MEMO1: variants seen among roughly 807,000 people sequenced by gnomAD.
The protein encoded by MEMO1 is protein MEMO1.
MEMO1 carries 6 observed loss-of-function variants against 45.2 expected under a neutral mutation model. The ratio of observed to expected loss-of-function variants is 0.13; its 90% CI spans 0.07 to 0.26. MEMO1 has a LOEUF of 0.26. Among genes scored for constraint, MEMO1 ranks in the 10% least tolerant of loss-of-function variants. The pLI, the probability that MEMO1 is intolerant of heterozygous loss-of-function variation, is 1.00. For missense variants in MEMO1, 184 were observed against 370.5 expected, an observed-to-expected ratio of 0.50 and a Z score of 4.13; for synonymous variants, 78 against 124.3, an observed-to-expected ratio of 0.63 and a Z score of 2.48.
intron 2 of MEMO1, among the ~76,000 whole-genome samples, chr2:31,961,332 G>A (rs927054532): frequency 2.0e-5 from 3 of 152,014 alleles, no homozygotes; most frequent in Non-Finnish European, 2.9e-5. Flanking sequence ...ACTCTAGCCT[G>A]GGTGATAAAG....
At chr2:31,932,257 A>AGG (rs1247576796) in intron 3 of MEMO1, 122 bp from the exon 4 acceptor site, 5 of 713,734 alleles carry the variant, frequency 7.0e-6, no homozygotes, top group Non-Finnish European at 1.2e-5. Context: ...AGCATATGTT[A>AGG]AATAACAATG....
At chr2:31,872,320 A>G (rs1273818374) in intron 8 of MEMO1, among the ~76,000 whole-genome samples, 1 of 152,172 alleles carries the variant, frequency 6.6e-6, no homozygotes, top group African/African-American at 2.4e-5. Context: ...TTCTTTGAAC[A>G]CTTACATAGC....
intron 8 of MEMO1, among the ~76,000 whole-genome samples, chr2:31,880,981 G>A (rs1300219831): frequency 6.6e-6 from 1 of 151,722 alleles, no homozygotes; most frequent in Non-Finnish European, 1.5e-5. Context: ...CTGTGATTGT[G>A]CCACTGCACT....
chr2:31,906,644 G>C (rs1308537274), intron 6 of MEMO1, among the ~76,000 whole-genome samples: 1 of 152,066 alleles, frequency 6.6e-6, no homozygotes, highest in Non-Finnish European at 1.5e-5. Context: ...TTCTTCTTCA[G>C]TCCCAATCAT....
At chr2:31,904,450 C>A (rs1679367796) in intron 6 of MEMO1, among the ~76,000 whole-genome samples, 2 of 152,176 alleles carry the variant, frequency 1.3e-5, no homozygotes, top group African/African-American at 2.4e-5. Flanking sequence ...GTTAAAGCAG[C>A]CTTCTTTGGG....
intron 9 of MEMO1, among the ~76,000 whole-genome samples, chr2:31,868,999 TAC>T (rs1476451037): frequency 1.3e-5 from 2 of 152,344 alleles, no homozygotes; most frequent in South Asian, 2.1e-4. Context: ...AGGAAATTAG[TAC>T]AGTTTATTCT....
chr2:31,950,103 G>A (rs1211195703), intron 2 of MEMO1, among the ~76,000 whole-genome samples: 6 of 152,070 alleles, frequency 3.9e-5, no homozygotes, highest in East Asian at 3.9e-4. Context: ...TATTATTGCC[G>A]GGCGCAGTGG....
intron 7 of MEMO1, among the ~76,000 whole-genome samples, chr2:31,891,467 A>C (rs1175117284): frequency 1.3e-5 from 2 of 152,138 alleles, no homozygotes; most frequent in Non-Finnish European, 2.9e-5. Flanking sequence ...ACCAATGATG[A>C]CCACAGTGCT....
chr2:31,989,744 T>C (rs1671713179), intron 2 of MEMO1, among the ~76,000 whole-genome samples: 1 of 152,250 alleles, frequency 6.6e-6, no homozygotes, highest in Non-Finnish European at 1.5e-5. Context: ...AAAATGATTT[T>C]TTTTAAAAAA....
At chr2:31,922,769 C>A (rs937738573) in intron 4 of MEMO1, among the ~76,000 whole-genome samples, 3 of 151,796 alleles carry the variant, frequency 2.0e-5, no homozygotes, top group Non-Finnish European at 2.9e-5. Flanking sequence ...GGATAATGGC[C>A]TCTAGCTCAA....
At chr2:31,950,329 A>C (rs904650913) in intron 2 of MEMO1, among the ~76,000 whole-genome samples, 4 of 151,508 alleles carry the variant, frequency 2.6e-5, no homozygotes, top group Non-Finnish European at 4.4e-5. Flanking sequence ...TGCAGTGAGC[A>C]GAGATCACAG....
At chr2:31,996,955 C>T (rs916925681) in intron 2 of MEMO1, among the ~76,000 whole-genome samples, 4 of 152,148 alleles carry the variant, frequency 2.6e-5, no homozygotes, top group Non-Finnish European at 4.4e-5. Flanking sequence ...ACATAGAACA[C>T]TCGCCAAGAC....
intron 6 of MEMO1, among the ~76,000 whole-genome samples, chr2:31,910,071 T>C (rs954942210): frequency 2.0e-5 from 3 of 152,076 alleles, no homozygotes; most frequent in Non-Finnish European, 1.5e-5. Context: ...GTAAGATTTC[T>C]CTTCAGAAAC....
At chr2:31,883,243 T>C in intron 8 of MEMO1, 143 bp downstream of exon 8, 1 of 645,662 alleles carries the variant, frequency 1.5e-6, no homozygotes, top group South Asian at 2.2e-5. Flanking sequence ...TTATAGTCAG[T>C]ATTTATATGA....
intron 6 of MEMO1, among the ~76,000 whole-genome samples, chr2:31,914,961 TAAAAAAA>T (rs34556047): frequency 1.7e-5 from 2 of 120,226 alleles, no homozygotes; most frequent in South Asian, 5.6e-4. Context: ...TGTCTCTTTT[TAAAAAAA>T]AAAAAAAAAA....
Position 31,955,396 on chromosome 2 carries a change from G to A in MEMO1, c.62-12013C>T, listed in dbSNP as rs1667299529. ...ATTAATTTTACCTCCAAGCTACTTT[G>A]AAGCCTTAAGTAACCCCCTTGTTTC... On this transcript the variant is annotated intron_variant, in intron 2 of 9. Transcript: ENST00000404530. 1.3e-5 allele frequency among the ~76,000 whole-genome samples: 2 copies of A among 152,076 alleles called. 1 individual carries two copies. Among genetic ancestry groups the A allele is most frequent in the South Asian group, 4.2e-4 (2 of 4,812 alleles).
At chr2:31,984,004 C>T (rs1387936048) in intron 2 of MEMO1, among the ~76,000 whole-genome samples, 1 of 152,196 alleles carries the variant, frequency 6.6e-6, no homozygotes, top group East Asian at 1.9e-4. Flanking sequence ...AATAAATATA[C>T]ATGAGTCCAT....
intron 2 of MEMO1, among the ~76,000 whole-genome samples, chr2:31,948,937 C>T (rs1666490836): frequency 6.6e-6 from 1 of 152,008 alleles, no homozygotes; most frequent in African/African-American, 2.4e-5. Context: ...ATAATTGTAT[C>T]AAAAATGGGC....
intron 6 of MEMO1, among the ~76,000 whole-genome samples, chr2:31,909,852 A>C (rs923833499): frequency 6.6e-6 from 1 of 152,154 alleles, no homozygotes; most frequent in Non-Finnish European, 1.5e-5. Flanking sequence ...TCCAAAATTA[A>C]TGACAGACAC....
Sources: gnomAD v4.1 joint callset for allele counts (sites outside exome capture counted in the v4.1 genomes callset) on GRCh38, gnomAD v4.1.1 for gene constraint, MANE v1.5 for transcripts, NCBI Gene and HGNC (gene_info 2026-07-23, HGNC 2026-07-21) for gene names.